RBFOX1: variants seen among roughly 807,000 people sequenced by gnomAD.
RBFOX1 encodes RNA binding protein fox-1 homolog 1.
In RBFOX1, 8 loss-of-function variants were observed where a neutral mutation model predicts 57.7. The ratio of observed to expected loss-of-function variants is 0.14; its 90% CI spans 0.08 to 0.25. RBFOX1 has a LOEUF of 0.25. RBFOX1 is among the 10% of genes least tolerant of loss of function. RBFOX1 has a pLI of 1.00. For missense variants in RBFOX1, 611 were observed against 548.5 expected (o/e 1.11, Z -1.14); for synonymous variants, 326 against 222.4 (o/e 1.47, Z -4.15).
intron 1 of RBFOX1, chr16:5,366,284 T>A: frequency 5.0e-5 from 19 of 378,064 alleles, no homozygotes; most frequent in Non-Finnish European, 3.1e-5. Flanking sequence ...AAGATGATGC[T>A]GGTCATGACG....
Position 7,712,528 on chromosome 16 carries a change from G to GCT in RBFOX1, c.*1783_*1784insCT, listed in dbSNP as rs2084152383. The GCT allele has an allele frequency of 6.6e-6, 1 of 152,452 alleles. No homozygotes were observed. The highest frequency in any genetic ancestry group is 1.5e-5 in the Non-Finnish European group (1 of 68,026). The allele number at this position is 152,452 out of a possible 1,614,324, so 9.4% of individuals were successfully genotyped here. A position where few individuals can be genotyped will look rare whatever the true frequency, so the allele number is the denominator to read the frequency against. On this transcript the variant is annotated 3_prime_UTR_variant, in exon 16 of 16. Coordinates refer to ENST00000550418, the MANE Select transcript of RBFOX1 (RefSeq NM_018723.4). Reference sequence around the variant, plus strand: ...AAGTTTCTGTAGCTTCGATACCTAAGACAGACGATAGTGATCTTGAAAAGA... The same window carrying GCT: ...AAGTTTCTGTAGCTTCGATACCTAAGCTACAGACGATAGTGATCTTGAAAAGA...
chr16:6,908,336 C>G (rs2070630531), intron 3 of RBFOX1, among the ~76,000 whole-genome samples: 1 of 148,304 alleles, frequency 6.7e-6, no homozygotes, highest in South Asian at 2.1e-4. Context: ...CTTGTTCATC[C>G]AAGTTACTCT....
intron 5 of RBFOX1, among the ~76,000 whole-genome samples, chr16:7,547,431 G>A (rs2084890559): frequency 6.6e-6 from 1 of 152,208 alleles, no homozygotes; most frequent in Admixed American, 6.5e-5. Flanking sequence ...TGCCAAAAAT[G>A]AGAAGAAAAG....
chr16:6,838,648 G>A (rs9922358), intron 3 of RBFOX1, among the ~76,000 whole-genome samples: 17 of 152,160 alleles, frequency 1.1e-4, no homozygotes, highest in African/African-American at 4.1e-4. Flanking sequence ...CCACTGGTTT[G>A]TCCTAGAATT....
chr16:6,883,599 C>G (rs1200958079), intron 3 of RBFOX1, among the ~76,000 whole-genome samples: 1 of 152,202 alleles, frequency 6.6e-6, no homozygotes, highest in Non-Finnish European at 1.5e-5. Flanking sequence ...AAGTAACACC[C>G]TCAAGCTGTT....
chr16:5,840,273 C>T (rs749832893), intron 3 of RBFOX1, among the ~76,000 whole-genome samples: 13 of 152,184 alleles, frequency 8.5e-5, no homozygotes, highest in Non-Finnish European at 4.4e-5. Context: ...CAGCGCTGTC[C>T]TTGGTTGAAC....
At position 5,850,201 on chromosome 16, in the gene RBFOX1, G is replaced by A. The variant is rs146798590; in HGVS notation, c.319-17102G>A. Among the ~76,000 whole-genome samples, 203 of 152,280 alleles carry A rather than the reference G, an allele frequency of 1.3e-3. 1 individual carries two copies. Among genetic ancestry groups the A allele is most frequent in the African/African-American group, 4.6e-3 (192 of 41,564 alleles). ...ATCCGTTTTATCCAGAGGGATAAGC[G>A]GAGGGGATGCTGCTTGGCCGAAGCA... On this transcript the variant is annotated intron_variant, in intron 3 of 19. Transcript: ENST00000641259.
intron 4 of RBFOX1, among the ~76,000 whole-genome samples, chr16:7,327,210 G>A (rs73561883): frequency 0.026 from 3,979 of 152,324 alleles, 144 homozygotes; most frequent in African/African-American, 0.081. Flanking sequence ...AAGAAAGGAA[G>A]AGAGGAAGGA....
At chr16:6,900,020 C>T (rs11860972) in intron 3 of RBFOX1, among the ~76,000 whole-genome samples, 7,899 of 152,176 alleles carry the variant, frequency 0.052, 426 homozygotes, top group African/African-American at 0.14. Context: ...CAGGAGGATG[C>T]TCATAGCATC....
At chr16:7,093,942 G>A (rs541796230) in intron 4 of RBFOX1, among the ~76,000 whole-genome samples, 3 of 151,774 alleles carry the variant, frequency 2.0e-5, no homozygotes, top group African/African-American at 7.3e-5. Flanking sequence ...GACTATATAA[G>A]GCGTATATAA....
intron 2 of RBFOX1, among the ~76,000 whole-genome samples, chr16:6,398,412 A>C (rs2191418): frequency 0.7 from 106,269 of 152,048 alleles, 38,335 homozygotes; most frequent in African/African-American, 0.88. Flanking sequence ...AGTCCAAGTC[A>C]AAAGTCTCAT....
intron 2 of RBFOX1, among the ~76,000 whole-genome samples, chr16:6,481,118 G>A (rs1261305238): frequency 1.3e-5 from 2 of 152,136 alleles, no homozygotes; most frequent in Non-Finnish European, 2.9e-5. Context: ...TCAGCTTCCC[G>A]AGAGACAATA....
chr16:7,054,220 G>T lies in RBFOX1; in HGVS notation c.27+2122G>T, dbSNP rs1216723853. ...TAAGGTGATTTTTTTTTTCGGGGGG[G>T]GGGGGCGGGGAGCTTTTTTTTTTTT... On this transcript the variant is annotated intron_variant, in intron 4 of 15. Transcript: ENST00000550418. 2.3e-4 allele frequency among the ~76,000 whole-genome samples: 24 copies of T among 105,492 alleles called. 1 individual carries two copies. Among genetic ancestry groups the T allele is most frequent in the African/African-American group, 6.0e-4 (17 of 28,206 alleles). 69.2% of individuals were successfully genotyped at this position (105,492 alleles called of 152,430 possible).
chr16:7,197,539 A>G (rs2087038852), intron 4 of RBFOX1, among the ~76,000 whole-genome samples: 1 of 152,140 alleles, frequency 6.6e-6, no homozygotes, highest in African/African-American at 2.4e-5. Flanking sequence ...AGTTAAACAT[A>G]AAATTACCAC....
intron 3 of RBFOX1, among the ~76,000 whole-genome samples, chr16:6,894,404 C>T (rs1055796458): frequency 1.3e-5 from 2 of 152,132 alleles, no homozygotes; most frequent in African/African-American, 4.8e-5. Flanking sequence ...TCCATTCAGC[C>T]CAAGTGGCAG....
intron 3 of RBFOX1, among the ~76,000 whole-genome samples, chr16:5,729,596 A>C (rs1394484399): frequency 6.6e-6 from 1 of 152,104 alleles, no homozygotes; most frequent in Non-Finnish European, 1.5e-5. Context: ...GGTACCCAAG[A>C]TAATTTGCAT....
At chr16:5,485,311 A>C (rs760201880) in intron 2 of RBFOX1, among the ~76,000 whole-genome samples, 13 of 126,190 alleles carry the variant, frequency 1.0e-4, no homozygotes, top group Non-Finnish European at 1.9e-4. Flanking sequence ...GCGCCACTGC[A>C]CTCCAGCCTG....
intron 4 of RBFOX1, among the ~76,000 whole-genome samples, chr16:7,085,668 C>T (rs1006737573): frequency 6.6e-6 from 1 of 152,134 alleles, no homozygotes; most frequent in Non-Finnish European, 1.5e-5. Flanking sequence ...CATTTTGTCC[C>T]TGTGCAAATT....
chr16:6,829,600 C>G (rs978403400), intron 3 of RBFOX1, among the ~76,000 whole-genome samples: 2 of 151,302 alleles, frequency 1.3e-5, no homozygotes, highest in Non-Finnish European at 2.9e-5. Flanking sequence ...AATGTATTTT[C>G]TTTTTTCTTT....
Sources: allele counts gnomAD v4.1 joint callset (sites outside exome capture counted in the v4.1 genomes callset), GRCh38; gene constraint gnomAD v4.1.1; transcripts MANE v1.5; gene names NCBI Gene and HGNC (gene_info 2026-07-23, HGNC 2026-07-21).